IKZF2: variants seen among roughly 807,000 people sequenced by gnomAD.
IKZF2 encodes IKAROS family zinc finger 2, also known as zinc finger protein Helios.
In IKZF2, 15 loss-of-function variants were observed where a neutral mutation model predicts 49.2. The ratio of observed to expected loss-of-function variants is 0.30; its 90% confidence interval spans 0.20 to 0.47. The LOEUF (loss-of-function observed/expected upper bound fraction) is 0.47. Ranked by LOEUF, IKZF2 falls within the 20% of genes least tolerant of loss-of-function variation. IKZF2 has a pLI of 1.00. For synonymous variants in IKZF2, 227 were observed against 221.4 expected (o/e 1.03, Z -0.23); for missense variants, 567 against 664.6 (o/e 0.85, Z 1.61).
At chr2:213,127,360 A>G (rs918802083) in intron 4 of IKZF2, among the ~76,000 whole-genome samples, 3 of 152,186 alleles carry the variant, frequency 2.0e-5, no homozygotes, top group African/African-American at 7.2e-5. Context: ...AATCTCTGTA[A>G]CTATAAAACT....
intron 7 of IKZF2, among the ~76,000 whole-genome samples, chr2:213,019,328 C>T (rs1390436820): frequency 6.6e-6 from 1 of 152,082 alleles, no homozygotes; most frequent in Non-Finnish European, 1.5e-5. Flanking sequence ...AAATAAATAA[C>T]ATACAGCAAG....
intron 4 of IKZF2, among the ~76,000 whole-genome samples, chr2:213,131,642 C>G (rs1279994536): frequency 2.0e-5 from 3 of 152,086 alleles, no homozygotes; most frequent in African/African-American, 7.2e-5. Context: ...ACTTGAGAAG[C>G]TTTTAGTCCA....
intron 4 of IKZF2, among the ~76,000 whole-genome samples, chr2:213,147,089 C>G (rs2061101258): frequency 6.6e-6 from 1 of 151,958 alleles, no homozygotes; most frequent in South Asian, 2.1e-4. Flanking sequence ...AGTAAATGAC[C>G]CTTTATCAAA....
At chr2:213,107,438 G>A (rs958925206) in intron 4 of IKZF2, among the ~76,000 whole-genome samples, 3 of 152,108 alleles carry the variant, frequency 2.0e-5, no homozygotes, top group African/African-American at 7.2e-5. Context: ...GTACATACAC[G>A]CACTTTCCAT....
At chr2:213,104,608 G>A (rs921391088) in intron 4 of IKZF2, among the ~76,000 whole-genome samples, 7 of 152,104 alleles carry the variant, frequency 4.6e-5, no homozygotes, top group Non-Finnish European at 7.4e-5. Flanking sequence ...TAGATAGTAC[G>A]CAGAGTACGA....
chr2:213,024,145 C>T (rs1429348467), intron 6 of IKZF2, among the ~76,000 whole-genome samples: 1 of 152,124 alleles, frequency 6.6e-6, no homozygotes, highest in Non-Finnish European at 1.5e-5. Context: ...ATCATTGAGT[C>T]CAACAGGGAT....
At chr2:213,046,766 A>G (rs1700189140) in intron 6 of IKZF2, among the ~76,000 whole-genome samples, 1 of 152,158 alleles carries the variant, frequency 6.6e-6, no homozygotes, top group Non-Finnish European at 1.5e-5. Context: ...AATTCTCTCC[A>G]GAGGGCATTC....
chr2:213,004,109 T>A lies in IKZF2; in HGVS notation c.*3251A>T, dbSNP rs1032613614. On this transcript the variant is annotated 3_prime_UTR_variant, in exon 9 of 9. Transcript: ENST00000434687. The stretch of plus-strand genomic sequence containing the variant: ...ATTCTCTGTATGTTTTTGCAATACA[T>A]CTGATCACTCCAACTGCTTTTTTTT... The A allele has an allele frequency of 2.0e-5, 3 of 151,836 alleles. No homozygotes were observed. Among genetic ancestry groups the A allele is most frequent in the African/African-American group, 7.2e-5 (3 of 41,420 alleles). 9.4% of individuals were successfully genotyped at this position (151,836 alleles called of 1,614,324 possible).
chr2:213,056,744 C>T (rs1038576592), intron 5 of IKZF2, 89 bp downstream of exon 5: 1 of 1,507,304 alleles, frequency 6.6e-7, no homozygotes, highest in Non-Finnish European at 9.1e-7. Context: ...CACTGCCACC[C>T]CTGAATAAAA....
chr2:213,107,699 A>T (rs1183644717), intron 4 of IKZF2, among the ~76,000 whole-genome samples: 1 of 152,182 alleles, frequency 6.6e-6, no homozygotes, highest in East Asian at 1.9e-4. Context: ...TATCTCAGGA[A>T]TTCTTGCAGG....
chr2:213,053,533 G>A (rs1289084670), intron 5 of IKZF2, among the ~76,000 whole-genome samples: 1 of 152,108 alleles, frequency 6.6e-6, no homozygotes, highest in African/African-American at 2.4e-5. Context: ...CTACAAATAT[G>A]CAGAATCTCA....
At chr2:213,037,469 G>C (rs770387994) in intron 6 of IKZF2, among the ~76,000 whole-genome samples, 2 of 152,152 alleles carry the variant, frequency 1.3e-5, no homozygotes, top group African/African-American at 4.8e-5. Flanking sequence ...AATGGTTATT[G>C]GTCTGGGGTA....
intron 4 of IKZF2, among the ~76,000 whole-genome samples, chr2:213,065,655 G>A (rs1022610028): frequency 9.2e-5 from 14 of 151,972 alleles, no homozygotes; most frequent in Non-Finnish European, 1.6e-4. Flanking sequence ...CATGAAGTAC[G>A]TAATTTTATC....
At chr2:213,044,568 G>A (rs984090384) in intron 6 of IKZF2, among the ~76,000 whole-genome samples, 3 of 152,184 alleles carry the variant, frequency 2.0e-5, no homozygotes, top group African/African-American at 4.8e-5. Context: ...AAGGATGTAC[G>A]ACGCAGGGTA....
At chr2:213,070,974 G>A (rs1248026578) in intron 4 of IKZF2, among the ~76,000 whole-genome samples, 1 of 152,162 alleles carries the variant, frequency 6.6e-6, no homozygotes, top group Non-Finnish European at 1.5e-5. Flanking sequence ...TAGTGAAGGT[G>A]CATTTAGTTG....
chr2:213,143,581 A>G lies in IKZF2; in HGVS notation c.139+4127T>C, dbSNP rs189245292. On this transcript the variant is annotated intron_variant, in intron 4 of 8. Transcript: ENST00000434687. ...TTTAATTCCCTAATAAACAAGAACT[A>G]AATGTAAAGTACATTGGGTATATAC... is the stretch of plus-strand genomic sequence containing the variant. 5.9e-5 allele frequency among the ~76,000 whole-genome samples: 9 copies of G among 152,064 alleles called. No individual in the cohort carries two copies. The East Asian group carries it at 1.4e-3, about 23-fold the overall frequency.
At chr2:213,109,858 G>A in intron 4 of IKZF2, among the ~76,000 whole-genome samples, 1 of 151,912 alleles carries the variant, frequency 6.6e-6, no homozygotes, top group East Asian at 1.9e-4. Flanking sequence ...CACTGGTCTT[G>A]ATTTTTGTAC....
chr2:213,151,811 T>C (rs1170717070), upstream of IKZF2, among the ~76,000 whole-genome samples: 1 of 148,004 alleles, frequency 6.8e-6, no homozygotes, highest in African/African-American at 2.4e-5. Context: ...CGCGTGCGTG[T>C]GTGCGGGGCC....
intron 4 of IKZF2, among the ~76,000 whole-genome samples, chr2:213,118,820 A>C (rs1217696464): frequency 6.6e-6 from 1 of 152,206 alleles, no homozygotes. Flanking sequence ...AACAAAAGAA[A>C]AATAATCACT....
Sources: gnomAD v4.1 joint callset for allele counts (sites outside exome capture counted in the v4.1 genomes callset) on GRCh38, gnomAD v4.1.1 for gene constraint, MANE v1.5 for transcripts, NCBI Gene and HGNC (gene_info 2026-07-23, HGNC 2026-07-21) for gene names.